Variants in TVP23C observed in about 807,000 individuals in gnomAD.
TVP23C encodes trans-golgi network vesicle protein 23 homolog C.
In TVP23C, 19 loss-of-function variants were observed where a neutral mutation model predicts 28.7. The observed-to-expected ratio is 0.66, with a 90% confidence interval of 0.46 to 0.97. TVP23C has a LOEUF of 0.97. Ranked by LOEUF, TVP23C falls within the 50% of genes least tolerant of loss-of-function variation. The pLI is 0.00. For missense variants in TVP23C, 186 were observed against 241.3 expected, an observed-to-expected ratio of 0.77 and a Z score of 1.52; for synonymous variants, 68 against 81.7, an observed-to-expected ratio of 0.83 and a Z score of 0.90.
exon 6 of TVP23C, chr17:15,502,718 T>C (rs1305900602): frequency 3.3e-6 from 4 of 1,230,090 alleles, no homozygotes; most frequent in Non-Finnish European, 3.2e-6. Flanking sequence ...TTTCTCTCTC[T>C]CCTCTCTCTC....
rs114626564 is a variant in TVP23C, at chr17:15,509,705, C to T, written c.463-6473G>A. 4.6e-3 allele frequency among the ~76,000 whole-genome samples: 693 copies of T among 152,236 alleles called. 6 individuals carry two copies. Among genetic ancestry groups the T allele is most frequent in the Middle Eastern group, 0.024 (7 of 294 alleles). On this transcript the variant is annotated intron_variant, in intron 5 of 5. Coordinates refer to the TVP23C transcript ENST00000225576. Reference sequence around the variant, plus strand: ...TTGTGCCACTGCACTCCAGCCTGAGCGACAGAGCAAGGGAAAAATACAGAA... The same window carrying T: ...TTGTGCCACTGCACTCCAGCCTGAGTGACAGAGCAAGGGAAAAATACAGAA...
chr17:15,519,856 C>G (rs111321444), intron 5 of TVP23C, among the ~76,000 whole-genome samples: 1 of 152,252 alleles, frequency 6.6e-6, no homozygotes, highest in East Asian at 1.9e-4. Flanking sequence ...GAGCCGAGAT[C>G]GCGCCACTGC....
intron 5 of TVP23C, among the ~76,000 whole-genome samples, chr17:15,517,937 C>T (rs140698404): frequency 4.6e-5 from 7 of 152,078 alleles, no homozygotes; most frequent in African/African-American, 1.2e-4. Flanking sequence ...GAGGCCAAGG[C>T]GGGAGGATCA....
chr17:15,527,872 G>A (rs567931347), intron 5 of TVP23C, among the ~76,000 whole-genome samples: 2 of 152,202 alleles, frequency 1.3e-5, no homozygotes, highest in Admixed American at 6.5e-5. Context: ...AACAATGCTC[G>A]AATGCTTACA....
At chr17:15,526,795 A>G (rs996406822) in intron 5 of TVP23C, among the ~76,000 whole-genome samples, 3 of 152,222 alleles carry the variant, frequency 2.0e-5, no homozygotes, top group African/African-American at 7.2e-5. Context: ...GAAATGTTTA[A>G]AAAACATTAA....
Position 15,559,973 on chromosome 17 carries a change from CCAAA to C in TVP23C, c.12+3460_12+3463del, listed in dbSNP as rs1305409942. Among the ~76,000 whole-genome samples the C allele has an allele frequency of 2.0e-5, 3 of 149,342 alleles. No individual in the cohort carries two copies. In the Admixed American group the frequency reaches 2.0e-4, roughly 10 times the overall value. Reference sequence around the variant, plus strand: ...CCAGGAGGGGGTAGTGTCCTGGAAACCAAACAAAGTGCCTCCAGGAGGAGGATCC... The same window carrying C: ...CCAGGAGGGGGTAGTGTCCTGGAAACCAAAGTGCCTCCAGGAGGAGGATCC... On this transcript the variant is annotated intron_variant, in intron 1 of 5. Transcript: ENST00000518321.
At chr17:15,517,325 G>T (rs773318740) in intron 5 of TVP23C, among the ~76,000 whole-genome samples, 9 of 152,172 alleles carry the variant, frequency 5.9e-5, no homozygotes, top group Non-Finnish European at 1.0e-4. Flanking sequence ...CTTTCAGGGG[G>T]CAGGTGGTCA....
downstream of TVP23C, among the ~76,000 whole-genome samples, chr17:15,535,969 ATCACCTAAGG>A (rs1243903042): frequency 1.3e-5 from 2 of 152,194 alleles, no homozygotes; most frequent in African/African-American, 4.8e-5. Flanking sequence ...AGGCGGGCGG[ATCACCTAAGG>A]TCAGGAATTC....
At chr17:15,515,555 T>C (rs1322499483) in intron 5 of TVP23C, among the ~76,000 whole-genome samples, 2 of 152,128 alleles carry the variant, frequency 1.3e-5, no homozygotes, top group African/African-American at 4.8e-5. Flanking sequence ...GCTGAAAAAG[T>C]ACTTTGGATT....
At chr17:15,548,270 G>A (rs2954742) in intron 3 of TVP23C, among the ~76,000 whole-genome samples, 58,474 of 151,948 alleles carry the variant, frequency 0.38, 11,776 homozygotes, top group East Asian at 0.54. Flanking sequence ...GGGTTCAAAC[G>A]ATTCTCCTGC....
chr17:15,541,746 A>C (rs1983419298), intron 5 of TVP23C, among the ~76,000 whole-genome samples: 2 of 152,130 alleles, frequency 1.3e-5, no homozygotes, highest in Non-Finnish European at 2.9e-5. Context: ...TAAACGTGTT[A>C]GTGTAATAAG....
At chr17:15,552,278 T>C (rs1983926455) in intron 3 of TVP23C, among the ~76,000 whole-genome samples, 1 of 152,326 alleles carries the variant, frequency 6.6e-6, no homozygotes, top group South Asian at 2.1e-4. Flanking sequence ...CAAAGAAGAC[T>C]GGACAAAAGA....
At chr17:15,519,558 C>CA (rs1357416734) in intron 5 of TVP23C, among the ~76,000 whole-genome samples, 1 of 152,070 alleles carries the variant, frequency 6.6e-6, no homozygotes, top group Non-Finnish European at 1.5e-5. Flanking sequence ...CCTGTCTACT[C>CA]AGTTTTTTAA....
intron 5 of TVP23C, among the ~76,000 whole-genome samples, chr17:15,514,186 T>C (rs986852100): frequency 6.6e-6 from 1 of 152,234 alleles, no homozygotes; most frequent in African/African-American, 2.4e-5. Context: ...AAGAATCTTC[T>C]TTCGAGTTGG....
chr17:15,538,615 T>C lies in TVP23C; in HGVS notation c.*1797A>G. On this transcript the variant is annotated 3_prime_UTR_variant, in exon 6 of 6. Transcript: ENST00000518321. ...CAAAAAAAATAAATAAATAAAAAAG[T>C]AGACATGCGCTAATGAAGTAAATCC... 4 of 984,904 alleles carry C rather than the reference T, an allele frequency of 4.1e-6. No individual in the cohort carries two copies. The highest frequency in any genetic ancestry group is 4.8e-6 in the Non-Finnish European group (4 of 829,604). The allele number at this position is 984,904 out of a possible 1,614,324, so 61.0% of individuals were successfully genotyped here. A position where few individuals can be genotyped will look rare whatever the true frequency, so the allele number is the denominator to read the frequency against.
intron 5 of TVP23C, among the ~76,000 whole-genome samples, chr17:15,544,817 T>C (rs1983572637): frequency 1.3e-5 from 2 of 151,882 alleles, no homozygotes; most frequent in South Asian, 4.1e-4. Context: ...AAAGTATGAA[T>C]GTATGAGCAC....
At chr17:15,545,741 A>C (rs777431946) in intron 5 of TVP23C, 44 bp downstream of exon 5, 1 of 1,583,202 alleles carries the variant, frequency 6.3e-7, no homozygotes, top group Non-Finnish European at 8.6e-7. Context: ...GATTACCATC[A>C]GACATCTTAA....
chr17:15,542,935 A>G (rs1489679270), intron 5 of TVP23C, among the ~76,000 whole-genome samples: 1 of 152,224 alleles, frequency 6.6e-6, no homozygotes, highest in Admixed American at 6.5e-5. Flanking sequence ...CACAGGATCA[A>G]ACTGGCTTTC....
chr17:15,523,348 G>A (rs992613705), intron 5 of TVP23C, among the ~76,000 whole-genome samples: 2 of 144,512 alleles, frequency 1.4e-5, no homozygotes, highest in African/African-American at 5.2e-5. Context: ...GTCTCGCTCT[G>A]TTGCCAGGCT....
Sources: gnomAD v4.1 joint callset for allele counts (sites outside exome capture counted in the v4.1 genomes callset) on GRCh38, gnomAD v4.1.1 for gene constraint, MANE v1.5 for transcripts, NCBI Gene and HGNC (gene_info 2026-07-23, HGNC 2026-07-21) for gene names.